The following PRRT1B variants were observed in gnomAD, a reference collection of about 807,000 sequenced individuals.
PRRT1B encodes dispanin subfamily D member 2.
At chr9:131,549,058 G>T (rs1950993333) in intron 1 of PRRT1B, among the ~76,000 whole-genome samples, 1 of 152,066 alleles carries the variant, frequency 6.6e-6, no homozygotes, top group Non-Finnish European at 1.5e-5. Flanking sequence ...ACCCTAAAAG[G>T]TCAAAAGGCC....
At chr9:131,557,257 G>A (rs1236804630) in intron 3 of PRRT1B, among the ~76,000 whole-genome samples, 1 of 152,136 alleles carries the variant, frequency 6.6e-6, no homozygotes, top group African/African-American at 2.4e-5. Context: ...ACAGAAGCAG[G>A]GCTGGGCATG....
At chr9:131,555,224 C>T (rs1246104392) in intron 2 of PRRT1B, among the ~76,000 whole-genome samples, 195 bp downstream of exon 2, 1 of 151,996 alleles carries the variant, frequency 6.6e-6, no homozygotes, top group Non-Finnish European at 1.5e-5. Context: ...GACGGGCGCC[C>T]TGGACAGAGG....
Position 131,552,677 on chromosome 9 carries a change from G to T in PRRT1B, c.26-1880G>T, listed in dbSNP as rs549537504. Among the ~76,000 whole-genome samples the T allele has an allele frequency of 1.1e-4, 15 of 141,506 alleles. 1 individual carries two copies. The highest frequency in any genetic ancestry group is 4.4e-4 in the South Asian group (2 of 4,524). The allele number at this position is 141,506 out of a possible 152,430, so 92.8% of individuals were successfully genotyped here. On this transcript the variant is annotated intron_variant, in intron 1 of 3. Coordinates refer to ENST00000636672, the Ensembl canonical transcript of PRRT1B. ...TTTGGGGGGGAGCCCAACCTCTAAG[G>T]TTTTTTTTTTTTTGAGACGGAGTCT...
rs553422421 is a variant in PRRT1B at position 131,552,297 on chromosome 9, T to G, written c.26-2260T>G. On this transcript the variant is annotated intron_variant, in intron 1 of 3. Transcript: ENST00000636672. ...GGAGGCCACAATGTCTGGCCAAGTG[T>G]GTTTACCTTGACCTCATGGAGCATG... 6.8e-4 allele frequency among the ~76,000 whole-genome samples: 104 copies of G among 152,280 alleles called. 1 individual carries two copies. The highest frequency in any genetic ancestry group is 6.8e-3 in the Middle Eastern group (2 of 294).
chr9:131,552,906 G>C (rs1191967656), intron 1 of PRRT1B, among the ~76,000 whole-genome samples: 2 of 146,354 alleles, frequency 1.4e-5, no homozygotes, highest in South Asian at 4.3e-4. Flanking sequence ...GGGTGGTCTC[G>C]AACTGCTGAG....
At chr9:131,554,258 C>T (rs2132010611) in intron 1 of PRRT1B, among the ~76,000 whole-genome samples, 1 of 152,280 alleles carries the variant, frequency 6.6e-6, no homozygotes, top group South Asian at 2.1e-4. Context: ...GACATAAAGG[C>T]CTTAGTTGGG....
rs1054972049 is a variant in PRRT1B at position 131,551,218 on chromosome 9, G to A, written c.26-3339G>A. Among the ~76,000 whole-genome samples the A allele has an allele frequency of 6.6e-6, 1 of 151,762 alleles. No homozygotes were observed. Among genetic ancestry groups the A allele is most frequent in the Non-Finnish European group, 1.5e-5 (1 of 67,982 alleles). ...CAGCCTCCCAAAATGCTGGGATTACGGGTGTGAGCCACCGCGCCCGACCTG... is the reference window on the plus strand; with the variant it reads ...CAGCCTCCCAAAATGCTGGGATTACAGGTGTGAGCCACCGCGCCCGACCTG... On this transcript the variant is annotated intron_variant, in intron 1 of 3. Transcript: ENST00000636672. The surrounding 1 kb of genome is among the most constrained non-coding windows in gnomAD (Gnocchi z 4.4).
chr9:131,550,813 G>T (rs1189667519), intron 1 of PRRT1B, among the ~76,000 whole-genome samples: 1 of 151,962 alleles, frequency 6.6e-6, no homozygotes, highest in African/African-American at 2.4e-5. Flanking sequence ...GGGCTATGCT[G>T]AACCTCCTTG....
At chr9:131,547,640 G>T (rs1163203771) in intron 1 of PRRT1B, among the ~76,000 whole-genome samples, 1 of 152,214 alleles carries the variant, frequency 6.6e-6, no homozygotes, top group African/African-American at 2.4e-5. Flanking sequence ...CCGTGACTCA[G>T]ATCGGGGGAC....
chr9:131,557,290 G>A (rs1951056833), intron 3 of PRRT1B, among the ~76,000 whole-genome samples: 1 of 152,158 alleles, frequency 6.6e-6, no homozygotes, highest in South Asian at 2.1e-4. Context: ...TGTAACCCCA[G>A]CATTTTGGGA....
At chr9:131,555,426 A>G (rs1262170367) in intron 2 of PRRT1B, among the ~76,000 whole-genome samples, 1 of 152,172 alleles carries the variant, frequency 6.6e-6, no homozygotes, top group Non-Finnish European at 1.5e-5. Flanking sequence ...CTGTAATCCC[A>G]GCACTTTGGG....
chr9:131,555,875 G>T (rs1223956706), intron 2 of PRRT1B, among the ~76,000 whole-genome samples, 195 bp from the exon 3 acceptor site: 2 of 152,062 alleles, frequency 1.3e-5, no homozygotes, highest in Non-Finnish European at 2.9e-5. Context: ...GCTCAGCGGG[G>T]CTGAGTGGCC....
chr9:131,552,833 T>G (rs1375567810), intron 1 of PRRT1B, among the ~76,000 whole-genome samples: 2 of 139,154 alleles, frequency 1.4e-5, no homozygotes, highest in South Asian at 2.3e-4. Context: ...CTGCCACACC[T>G]GGTTAATTTT....
At chr9:131,550,939 C>CTTTTTTTTTTTTTT (rs546049217) in intron 1 of PRRT1B, among the ~76,000 whole-genome samples, 1 of 76,000 alleles carries the variant, frequency 1.3e-5, no homozygotes, top group East Asian at 3.9e-4. Flanking sequence ...TTTTCTTTTT[C>CTTTTTTTTTTTTTT]TTTTTTTTTT....
intron 1 of PRRT1B, among the ~76,000 whole-genome samples, chr9:131,550,933 CTTTTTCTT>C (rs1478581540): frequency 8.6e-6 from 1 of 116,856 alleles, no homozygotes. Flanking sequence ...TTTTTCTTTT[CTTTTTCTT>C]TTTTTTTTTT....
chr9:131,555,020 C>G, exon 2 of PRRT1B: 1 of 392,864 alleles, frequency 2.5e-6, no homozygotes, highest in Non-Finnish European at 4.5e-6. Flanking sequence ...CCGCCTTCCC[C>G]TTCCCCGTGG....
chr9:131,558,206 T>C lies in PRRT1B; in HGVS notation c.*4T>C, dbSNP rs963972683. ...GGTGGCACTCTACCTTCCCTGAGGC[T>C]GTGGCTCCTGCGGAGATGCCGGATG... On this transcript the variant is annotated 3_prime_UTR_variant, in exon 4 of 4. Coordinates refer to ENST00000636672, the Ensembl canonical transcript of PRRT1B. 5.2e-5 allele frequency: 21 copies of C among 400,916 alleles called. 1 individual carries two copies. Among genetic ancestry groups the C allele is most frequent in the Middle Eastern group, 3.1e-4 (1 of 3,240 alleles). The allele number at this position is 400,916 out of a possible 1,614,324, so 24.8% of individuals were successfully genotyped here.
intron 1 of PRRT1B, among the ~76,000 whole-genome samples, chr9:131,548,605 A>C (rs1365862662): frequency 2.0e-5 from 3 of 151,936 alleles, no homozygotes; most frequent in African/African-American, 7.2e-5. Context: ...TCCCAATGCA[A>C]CTTGTCCCAA....
chr9:131,550,234 G>T (rs1274372223), intron 1 of PRRT1B, among the ~76,000 whole-genome samples: 1 of 152,064 alleles, frequency 6.6e-6, no homozygotes, highest in African/African-American at 2.4e-5. Flanking sequence ...AAATTGTTTT[G>T]TCTATCCACC....
Sources: gnomAD v4.1 joint callset for allele counts (sites outside exome capture counted in the v4.1 genomes callset) on GRCh38, gnomAD v4.1.1 for gene constraint, Gnocchi (gnomAD v3.1) non-coding constraint, MANE v1.5 for transcripts, NCBI Gene and HGNC (gene_info 2026-07-23, HGNC 2026-07-21) for gene names.